The following RASAL2 variants were observed in gnomAD, a reference collection of about 807,000 sequenced individuals.
The protein encoded by RASAL2 is ras GTPase-activating protein nGAP.
Under a neutral mutation model 128.9 loss-of-function variants are expected in RASAL2, and 58 were observed. The ratio of observed to expected loss-of-function variants is 0.45; its 90% CI spans 0.36 to 0.56. The LOEUF is 0.56. Among genes scored for constraint, RASAL2 ranks in the 20% least tolerant of loss-of-function variants. The pLI is 0.00. For synonymous variants in RASAL2, 561 were observed against 580.8 expected, an observed-to-expected ratio of 0.97 and a Z score of 0.49; for missense variants, 1,360 against 1,601.6, an observed-to-expected ratio of 0.85 and a Z score of 2.57.
intron 1 of RASAL2, among the ~76,000 whole-genome samples, chr1:178,231,936 A>G (rs2102024576): frequency 6.6e-6 from 1 of 152,336 alleles, no homozygotes; most frequent in South Asian, 2.1e-4. Context: ...TTATTGGTTG[A>G]TGATAATAGT....
At chr1:178,277,387 G>T (rs1255794259) in intron 1 of RASAL2, among the ~76,000 whole-genome samples, 2 of 152,108 alleles carry the variant, frequency 1.3e-5, no homozygotes, top group Admixed American at 6.6e-5. Context: ...TCAAACTTCT[G>T]AGTTCAAGTG....
At chr1:178,341,334 C>A (rs1669866753) in intron 3 of RASAL2, 2 of 923,484 alleles carry the variant, frequency 2.2e-6, no homozygotes, top group Admixed American at 3.9e-5. Context: ...AAAGAAAGCC[C>A]AGTGAGTGAG....
chr1:178,355,015 T>G (rs1029093288), intron 3 of RASAL2, among the ~76,000 whole-genome samples: 1 of 152,156 alleles, frequency 6.6e-6, no homozygotes, highest in Non-Finnish European at 1.5e-5. Context: ...TCCCAGCTAC[T>G]TGGGAGACTG....
chr1:178,252,910 A>G (rs539055755), intron 1 of RASAL2, among the ~76,000 whole-genome samples: 4 of 152,308 alleles, frequency 2.6e-5, no homozygotes, highest in South Asian at 4.1e-4. Flanking sequence ...ATTGGTCTCA[A>G]TCTACCAGTA....
intron 1 of RASAL2, among the ~76,000 whole-genome samples, chr1:178,176,020 T>C (rs1214954636): frequency 6.6e-6 from 1 of 152,192 alleles, no homozygotes; most frequent in African/African-American, 2.4e-5. Context: ...TAAACATACA[T>C]ATACAGGTGT....
At chr1:178,410,279 T>A (rs1202603506) in intron 4 of RASAL2, among the ~76,000 whole-genome samples, 1 of 152,130 alleles carries the variant, frequency 6.6e-6, no homozygotes, top group Non-Finnish European at 1.5e-5. Context: ...CTCTGAATGA[T>A]GATAAGATCT....
chr1:178,349,860 T>C lies in RASAL2; in HGVS notation c.458-40240T>C, dbSNP rs117944085. The stretch of plus-strand genomic sequence containing the variant: ...ACGAAAAATAACAGCTTTTTCATCA[T>C]TGTGAAATGTGAAAATATCCAATAC... On this transcript the variant is annotated intron_variant, in intron 3 of 17. Transcript: ENST00000367649. 3.3e-3 allele frequency among the ~76,000 whole-genome samples: 506 copies of C among 152,318 alleles called. 7 individuals are homozygous for C. Among genetic ancestry groups the C allele is most frequent in the East Asian group, 0.029 (152 of 5,182 alleles).
chr1:178,472,730 C>T (rs1379965635), intron 17 of RASAL2, among the ~76,000 whole-genome samples: 1 of 152,136 alleles, frequency 6.6e-6, no homozygotes, highest in Non-Finnish European at 1.5e-5. Context: ...CAATTTTGAC[C>T]TAAAGCACTT....
At chr1:178,300,625 G>T (rs996530802) in intron 3 of RASAL2, among the ~76,000 whole-genome samples, 1 of 152,060 alleles carries the variant, frequency 6.6e-6, no homozygotes, top group South Asian at 2.1e-4. Context: ...GGTGACAAAA[G>T]GGAGAAATCC....
At chr1:178,427,975 T>G (rs949078164) in intron 5 of RASAL2, among the ~76,000 whole-genome samples, 10 of 152,042 alleles carry the variant, frequency 6.6e-5, no homozygotes, top group African/African-American at 2.4e-4. Context: ...GTTTCCTGTC[T>G]CTATCGCTTT....
intron 1 of RASAL2, among the ~76,000 whole-genome samples, chr1:178,166,950 T>TTAA: frequency 6.6e-6 from 1 of 152,106 alleles, no homozygotes; most frequent in Non-Finnish European, 1.5e-5. Flanking sequence ...TTAGGAGTCA[T>TTAA]TTTTAAGTTA....
chr1:178,218,422 C>A (rs186854488), intron 1 of RASAL2, among the ~76,000 whole-genome samples: 2 of 152,204 alleles, frequency 1.3e-5, no homozygotes, highest in Admixed American at 1.3e-4. Context: ...TGCAGTGGCT[C>A]ATGCCTGTAA....
intron 4 of RASAL2, among the ~76,000 whole-genome samples, chr1:178,404,198 C>T (rs368128196): frequency 3.5e-5 from 5 of 144,042 alleles, no homozygotes; most frequent in Non-Finnish European, 7.5e-5. Flanking sequence ...TGCACTCCAG[C>T]TGAGGCTACA....
At chr1:178,117,487 G>A (rs1008000185) in intron 1 of RASAL2, among the ~76,000 whole-genome samples, 1 of 152,234 alleles carries the variant, frequency 6.6e-6, no homozygotes, top group Non-Finnish European at 1.5e-5. Flanking sequence ...CAATTAGGAT[G>A]TGGAATATGC....
At chr1:178,383,319 C>A (rs1399638764) in intron 3 of RASAL2, among the ~76,000 whole-genome samples, 1 of 152,084 alleles carries the variant, frequency 6.6e-6, no homozygotes, top group Non-Finnish European at 1.5e-5. Context: ...TATTTCAGAG[C>A]AGCTGGATGC....
chr1:178,192,721 GT>G (rs2101950341), intron 1 of RASAL2, among the ~76,000 whole-genome samples: 1 of 152,248 alleles, frequency 6.6e-6, no homozygotes, highest in South Asian at 2.1e-4. Context: ...GTCTTCTTCA[GT>G]TTTTGATCTG....
At position 178,454,456 on chromosome 1, in the gene RASAL2, CAA is replaced by C. The variant is rs1399251879; in HGVS notation, c.2021_2022del (p.Lys674ArgfsTer9). ...NLANFAKFGN[K>X]EEYMAFMNDF... ...TCATCCTCTACTTCAGGTTTGGTAA[CAA>C]AGAGGAATACATGGCATTCATGAAT... On this transcript the variant is annotated frameshift_variant, in exon 12 of 18. Transcript: ENST00000367649. LOFTEE classifies it high-confidence loss of function. 6.2e-7 allele frequency: 1 copy of C among 1,609,936 alleles called. No homozygotes were observed. The highest frequency in any genetic ancestry group is 1.3e-5 in the African/African-American group (1 of 74,898).
intron 3 of RASAL2, among the ~76,000 whole-genome samples, chr1:178,332,778 A>AT (rs1669393378): frequency 6.7e-6 from 1 of 150,150 alleles, no homozygotes; most frequent in Admixed American, 6.6e-5. Context: ...CGCCCAGCTA[A>AT]TTCTTTTTTG....
chr1:178,176,685 C>T (rs1415568262), intron 1 of RASAL2, among the ~76,000 whole-genome samples: 1 of 151,646 alleles, frequency 6.6e-6, no homozygotes, highest in African/African-American at 2.4e-5. Flanking sequence ...TCCCTCATTC[C>T]TCCAGGCTGG....
Sources: gnomAD v4.1 joint callset for allele counts (sites outside exome capture counted in the v4.1 genomes callset) on GRCh38, gnomAD v4.1.1 for gene constraint, MANE v1.5 for transcripts, NCBI Gene and HGNC (gene_info 2026-07-23, HGNC 2026-07-21) for gene names.